The following GRIN2B variants were observed in gnomAD, a reference collection of about 807,000 sequenced individuals.
The protein encoded by GRIN2B is glutamate ionotropic receptor NMDA type subunit 2B.
GRIN2B carries 5 observed loss-of-function variants against 114.5 expected under a neutral mutation model. The observed-to-expected ratio is 0.04, with a 90% CI of 0.02 to 0.09. The LOEUF (loss-of-function observed/expected upper bound fraction) is 0.09. Ranked by LOEUF, GRIN2B falls within the 10% of genes least tolerant of loss-of-function variation. The pLI is 1.00. For synonymous variants in GRIN2B, 787 were observed against 745.1 expected, an observed-to-expected ratio of 1.06 and a Z score of -0.92; for missense variants, 1,108 against 1,943.5, an observed-to-expected ratio of 0.57 and a Z score of 8.08.
chr12:13,631,526 A>G (rs1465865819), intron 5 of GRIN2B, among the ~76,000 whole-genome samples: 2 of 152,186 alleles, frequency 1.3e-5, no homozygotes, highest in African/African-American at 4.8e-5. Flanking sequence ...CCAAAAAGAA[A>G]AGAAAAAAAA....
At chr12:13,950,776 C>T (rs186886984) in intron 2 of GRIN2B, among the ~76,000 whole-genome samples, 1 of 152,266 alleles carries the variant, frequency 6.6e-6, no homozygotes, top group East Asian at 1.9e-4. Flanking sequence ...GTTTCCACTT[C>T]AAGCTTATGG....
intron 2 of GRIN2B, among the ~76,000 whole-genome samples, chr12:13,959,214 G>A (rs920834184): frequency 6.6e-6 from 1 of 152,156 alleles, no homozygotes; most frequent in Non-Finnish European, 1.5e-5. Flanking sequence ...CAAAAGGAGA[G>A]AAGGAGGCTT....
intron 3 of GRIN2B, among the ~76,000 whole-genome samples, chr12:13,831,295 T>C (rs1302024062): frequency 6.6e-6 from 1 of 152,218 alleles, no homozygotes. Flanking sequence ...TATAGCAACA[T>C]AAATGAACTA....
intron 3 of GRIN2B, among the ~76,000 whole-genome samples, chr12:13,800,476 T>G (rs1864489173): frequency 6.6e-6 from 1 of 152,338 alleles, no homozygotes; most frequent in African/African-American, 2.4e-5. Context: ...GCTTCATAGT[T>G]ATTAATGTCT....
rs1437766858 is a variant in GRIN2B, at chr12:13,557,960, G to C, written c.*4823C>G. On this transcript the variant is annotated 3_prime_UTR_variant, in exon 14 of 14. Coordinates refer to ENST00000609686, the MANE Select transcript of GRIN2B (RefSeq NM_000834.5). ...AAGCAACAAATCTGTGTGGGAAGGT[G>C]GTAGTTGCAGTGGGGTGGGAAATGA... 1 of 152,216 alleles carries C rather than the reference G, an allele frequency of 6.6e-6. No individual in the cohort carries two copies. The highest frequency in any genetic ancestry group is 2.4e-5 in the African/African-American group (1 of 41,442). 9.4% of individuals were successfully genotyped at this position (152,216 alleles called of 1,614,324 possible). A position where few individuals can be genotyped will look rare whatever the true frequency, so the allele number is the denominator to read the frequency against.
chr12:13,762,193 C>T (rs910556868), intron 3 of GRIN2B, among the ~76,000 whole-genome samples: 6 of 152,016 alleles, frequency 3.9e-5, no homozygotes, highest in East Asian at 1.9e-4. Flanking sequence ...TTAGTAAAGA[C>T]GGGGTTTCAT....
chr12:13,900,890 C>G (rs1408238213), intron 2 of GRIN2B, among the ~76,000 whole-genome samples: 1 of 152,262 alleles, frequency 6.6e-6, no homozygotes, highest in East Asian at 1.9e-4. Context: ...TTGCTATGTA[C>G]TGTTCCACTT....
chr12:13,598,194 T>A (rs1805509), intron 10 of GRIN2B, among the ~76,000 whole-genome samples: 5 of 152,184 alleles, frequency 3.3e-5, no homozygotes, highest in African/African-American at 1.2e-4. Context: ...AGGAAGAACA[T>A]TGGACCAACC....
intron 2 of GRIN2B, among the ~76,000 whole-genome samples, chr12:13,874,070 C>G (rs1358477824): frequency 6.6e-6 from 1 of 152,160 alleles, no homozygotes; most frequent in East Asian, 1.9e-4. Flanking sequence ...CTAAGCCCCC[C>G]AGCTCCTGTA....
At chr12:13,607,237 A>G (rs1389422907) in intron 10 of GRIN2B, among the ~76,000 whole-genome samples, 1 of 93,008 alleles carries the variant, frequency 1.1e-5, no homozygotes, top group Non-Finnish European at 1.9e-5. Flanking sequence ...TATAATATAT[A>G]TTATATAAAA....
At chr12:13,857,029 T>A (rs1353946951) in intron 3 of GRIN2B, among the ~76,000 whole-genome samples, 1 of 152,136 alleles carries the variant, frequency 6.6e-6, no homozygotes, top group Non-Finnish European at 1.5e-5. Context: ...ACTAAAAGGG[T>A]CAACAGTATT....
intron 4 of GRIN2B, among the ~76,000 whole-genome samples, chr12:13,679,529 A>G (rs1467743823): frequency 1.3e-5 from 2 of 152,138 alleles, no homozygotes; most frequent in African/African-American, 2.4e-5. Flanking sequence ...CTCCTCACAT[A>G]TTTTACACTT....
chr12:13,791,374 C>T lies in GRIN2B; in HGVS notation c.412-37459G>A, dbSNP rs542523988. 8.6e-5 allele frequency among the ~76,000 whole-genome samples: 13 copies of T among 151,520 alleles called. 1 individual carries two copies. In the South Asian group the frequency reaches 2.7e-3, roughly 32 times the overall value. On this transcript the variant is annotated intron_variant, in intron 3 of 13. Transcript: ENST00000609686. Reference sequence around the variant, plus strand: ...GGCTGAGGCAGGAGAATGGCATGAACCCGGGAGGCGGAGCTTGCAGTGAGC... The same window carrying T: ...GGCTGAGGCAGGAGAATGGCATGAATCCGGGAGGCGGAGCTTGCAGTGAGC...
intron 3 of GRIN2B, among the ~76,000 whole-genome samples, chr12:13,827,827 G>A (rs539767286): frequency 1.4e-4 from 22 of 152,022 alleles, no homozygotes; most frequent in Non-Finnish European, 2.5e-4. Flanking sequence ...AACTACAGGC[G>A]CATGCCACCA....
At chr12:13,608,552 G>A in intron 10 of GRIN2B, 51 bp downstream of exon 10, 1 of 1,352,606 alleles carries the variant, frequency 7.4e-7, no homozygotes. Flanking sequence ...TTTGAGTATG[G>A]CTGAGAACAG....
chr12:13,898,964 A>G (rs1866399605), intron 2 of GRIN2B, among the ~76,000 whole-genome samples: 1 of 152,196 alleles, frequency 6.6e-6, no homozygotes, highest in Non-Finnish European at 1.5e-5. Flanking sequence ...AACTACTACC[A>G]CTACCAATTA....
In GRIN2B at chr12:13,628,255, C is replaced by T. The variant is rs548139891; in HGVS notation, c.1126-11598G>A. Among the ~76,000 whole-genome samples the T allele has an allele frequency of 7.9e-5, 12 of 152,288 alleles. No individual in the cohort carries two copies. The South Asian group carries it at 2.5e-3, about 32-fold the overall frequency. Reference sequence around the variant, plus strand: ...CCCAAAGAAGCAGGAGGATGAAAGACACTGAGTGGAAACAGCGCCACCATG... The same window carrying T: ...CCCAAAGAAGCAGGAGGATGAAAGATACTGAGTGGAAACAGCGCCACCATG... On this transcript the variant is annotated intron_variant, in intron 5 of 13. Transcript: ENST00000609686.
At chr12:13,595,777 C>T (rs748917717) in intron 10 of GRIN2B, among the ~76,000 whole-genome samples, 9 of 152,198 alleles carry the variant, frequency 5.9e-5, no homozygotes, top group Non-Finnish European at 1.0e-4. Context: ...CAGGTGAGAG[C>T]GCCTCTTGCC....
intron 2 of GRIN2B, among the ~76,000 whole-genome samples, chr12:13,878,998 T>G (rs1436188113): frequency 6.6e-6 from 1 of 152,188 alleles, no homozygotes; most frequent in Non-Finnish European, 1.5e-5. Context: ...AGCCCTAACT[T>G]TTTATTCTTC....
Sources: gnomAD v4.1 joint callset for allele counts (sites outside exome capture counted in the v4.1 genomes callset) on GRCh38, gnomAD v4.1.1 for gene constraint, MANE v1.5 for transcripts, NCBI Gene and HGNC (gene_info 2026-07-23, HGNC 2026-07-21) for gene names.